The following ASB14 variants were observed in gnomAD, a reference collection of about 807,000 sequenced individuals.
ASB14 encodes the protein ankyrin repeat and SOCS box containing 14.
Under a neutral mutation model 55.6 loss-of-function variants are expected in ASB14, and 63 were observed. The observed-to-expected ratio is 1.13, with a 90% CI of 0.92 to 1.40. ASB14 has a LOEUF of 1.40. ASB14 is among the 40% of genes most tolerant of loss of function. The pLI is 0.00. For synonymous variants in ASB14, 256 were observed against 259.9 expected, an observed-to-expected ratio of 0.98 and a Z score of 0.15; for missense variants, 724 against 710.4, an observed-to-expected ratio of 1.02 and a Z score of -0.22.
At chr3:57,281,392 GTT>G (rs1277185005) in intron 6 of ASB14, among the ~76,000 whole-genome samples, 1 of 151,822 alleles carries the variant, frequency 6.6e-6, no homozygotes, top group Non-Finnish European at 1.5e-5. Flanking sequence ...GGAGAAAAGA[GTT>G]TGGGTCAGTT....
At chr3:57,276,347 G>T (rs193189924) in intron 10 of ASB14, among the ~76,000 whole-genome samples, 181 bp downstream of exon 10, 2 of 151,452 alleles carry the variant, frequency 1.3e-5, no homozygotes, top group East Asian at 3.9e-4. Context: ...GTGCAGTGGC[G>T]TGATCACAGC....
At chr3:57,283,045 T>C in intron 6 of ASB14, 149 bp downstream of exon 6, 2 of 1,147,652 alleles carry the variant, frequency 1.7e-6, no homozygotes, top group Non-Finnish European at 1.2e-6. Context: ...GTTAGGCTTC[T>C]CAGTAATCAC....
chr3:57,280,371 GCTCCATA>G lies in ASB14; in HGVS notation c.811_817del (p.Tyr271LeufsTer24). 1 of 1,551,474 alleles carries G rather than the reference GCTCCATA, an allele frequency of 6.4e-7. No individual in the cohort carries two copies. Among genetic ancestry groups the G allele is most frequent in the Non-Finnish European group, 8.7e-7 (1 of 1,146,868 alleles). On this transcript the variant is annotated frameshift_variant, in exon 7 of 11. Transcript: ENST00000487349. LOFTEE classifies it high-confidence loss of function. ...TGAATTCTTAGGGATGTTGGCATCAGCTCCATACTCCAGCAAGAGAGCCACAGCATCT... is the reference window on the plus strand; with the variant it reads ...TGAATTCTTAGGGATGTTGGCATCAGCTCCAGCAAGAGAGCCACAGCATCT...
intron 10 of ASB14, among the ~76,000 whole-genome samples, chr3:57,275,821 C>T (rs192546184): frequency 2.0e-5 from 3 of 152,188 alleles, no homozygotes; most frequent in Non-Finnish European, 4.4e-5. Flanking sequence ...TGTTACTGTA[C>T]TGAATAGGCA....
intron 2 of ASB14, among the ~76,000 whole-genome samples, chr3:57,290,606 C>T (rs1177958170): frequency 6.6e-6 from 1 of 152,180 alleles, no homozygotes; most frequent in Non-Finnish European, 1.5e-5. Flanking sequence ...CTAATTCCTT[C>T]AAGTACCTGA....
chr3:57,271,351 C>G (rs946508646), intron 10 of ASB14: 1 of 152,442 alleles, frequency 6.6e-6, no homozygotes, highest in Non-Finnish European at 1.5e-5. Context: ...CCAAAACATA[C>G]AGTAAAAAAG....
In ASB14 at chr3:57,278,830, A is replaced by G; in HGVS notation, c.978T>C (p.His326=). ...GGATGAGGAGTTCCAGGCACTGAGG[A>G]TGTGCTCCTGCTGCTGCACAGTGAA... ...SPVHCAAAGA[H]PQCLELLIQA... is the part of the protein sequence containing the mutation. The change falls in exon 8 of 11, where the codon CAT becomes CAC. Residue 326 remains histidine, a synonymous_variant. Coordinates refer to ENST00000487349, the MANE Select transcript of ASB14 (RefSeq NM_001142733.3). 10 of 1,613,646 alleles carry G rather than the reference A, an allele frequency of 6.2e-6. No homozygotes were observed. The highest frequency in any genetic ancestry group is 8.5e-6 in the Non-Finnish European group (10 of 1,179,852).
At chr3:57,292,441 G>A (rs1019592955) in intron 1 of ASB14, among the ~76,000 whole-genome samples, 192 bp downstream of exon 1, 2 of 152,000 alleles carry the variant, frequency 1.3e-5, no homozygotes, top group African/African-American at 4.8e-5. Context: ...GTGTGATGCT[G>A]AAAATAATAT....
chr3:57,286,766 C>T (rs542184193), intron 5 of ASB14, among the ~76,000 whole-genome samples: 1 of 152,282 alleles, frequency 6.6e-6, no homozygotes, highest in African/African-American at 2.4e-5. Flanking sequence ...AAACACTTGT[C>T]CTTCATTTTA....
At chr3:57,283,518 C>A (rs2061055375) in intron 5 of ASB14, 79 bp from the exon 6 acceptor site, 4 of 1,425,232 alleles carry the variant, frequency 2.8e-6, no homozygotes, top group Non-Finnish European at 3.8e-6. Flanking sequence ...ATCCCTCAGG[C>A]TTTCTTAAGG....
intron 6 of ASB14, among the ~76,000 whole-genome samples, chr3:57,280,767 C>G (rs1246793885): frequency 6.6e-6 from 1 of 152,094 alleles, no homozygotes; most frequent in Non-Finnish European, 1.5e-5. Flanking sequence ...ATAAAAGTTG[C>G]TTTTATTTCT....
Position 57,278,362 on chromosome 3 carries a change from A to G in ASB14, c.1431+15T>C, listed in dbSNP as rs2061007610. 6.3e-7 allele frequency: 1 copy of G among 1,598,824 alleles called. No homozygotes were observed. The highest frequency in any genetic ancestry group is 1.7e-5 in the Admixed American group (1 of 59,922). On this transcript the variant is annotated intron_variant, in intron 8 of 10. Transcript: ENST00000487349. The stretch of plus-strand genomic sequence containing the variant: ...TAATGACTGTAAGGGAATACAGCCA[A>G]TACTGTGGACTTACCTTAGTATCTT...
In ASB14 at chr3:57,276,102, C is replaced by G. The variant is rs115439688; in HGVS notation, c.*22+426G>C. On this transcript the variant is annotated intron_variant, in intron 10 of 10. Transcript: ENST00000487349. ...TAAAAAAGATACTGCAGTGAGTTAT[C>G]TTGACTTGTCAGAAGTGGCATCTAT... 4.1e-3 allele frequency among the ~76,000 whole-genome samples: 616 copies of G among 152,032 alleles called. 3 individuals carry two copies. Among genetic ancestry groups the G allele is most frequent in the African/African-American group, 0.014 (570 of 41,478 alleles).
At chr3:57,290,491 ATTCCATCTGTAGCCTTAC>A (rs1246718007) in intron 2 of ASB14, among the ~76,000 whole-genome samples, 1 of 152,184 alleles carries the variant, frequency 6.6e-6, no homozygotes, top group Admixed American at 6.5e-5. Flanking sequence ...AGCAGCCATA[ATTCCATCTGTAGCCTTAC>A]TTCTCCTTTG....
At chr3:57,281,608 T>C (rs1040266792) in intron 6 of ASB14, among the ~76,000 whole-genome samples, 21 of 152,180 alleles carry the variant, frequency 1.4e-4, no homozygotes, top group Non-Finnish European at 2.5e-4. Context: ...CCTCTGCTTA[T>C]TGAGTGCCCA....
intron 10 of ASB14, 105 bp downstream of exon 10, chr3:57,276,423 T>C (rs2060987238): frequency 3.6e-6 from 3 of 823,482 alleles, no homozygotes; most frequent in Non-Finnish European, 5.5e-6. Context: ...GCAGAGCTAC[T>C]TTTTAAAGGA....
chr3:57,276,884 G>A (rs1373044549), intron 9 of ASB14, among the ~76,000 whole-genome samples, 156 bp from the exon 10 acceptor site: 1 of 152,138 alleles, frequency 6.6e-6, no homozygotes, highest in Non-Finnish European at 1.5e-5. Flanking sequence ...TGCAATCCTT[G>A]TTGTAGATAT....
chr3:57,278,911 C>A lies in ASB14; in HGVS notation c.897G>T (p.Lys299Asn). The A allele has an allele frequency of 6.2e-7, 1 of 1,608,578 alleles. No homozygotes were observed. Among genetic ancestry groups the A allele is most frequent in the African/African-American group, 1.3e-5 (1 of 74,866 alleles). ...AADRGHLLAL[K>N]ILIPVTDLAA... Reference sequence around the variant, plus strand: ...CAAGATCCGTAACTGGAATCAGTATCTTTAGAGCTCTGAGAAAGAATTTCA... The same window carrying A: ...CAAGATCCGTAACTGGAATCAGTATATTTAGAGCTCTGAGAAAGAATTTCA... The change falls in exon 8 of 11, where the codon AAG (lysine) becomes AAT (asparagine). Residue 299 changes from lysine (K) to asparagine (N), a missense_variant. Transcript: ENST00000487349.
chr3:57,268,986 T>C lies in ASB14; in HGVS notation c.*655A>G, dbSNP rs570207394. ...TCCATGAAATTGTAAGAGCGTGTTA[T>C]GGGTTGTAGATTGACAGTAGGAATA... On this transcript the variant is annotated 3_prime_UTR_variant, in exon 11 of 11. Transcript: ENST00000487349. 1.3e-5 allele frequency: 2 copies of C among 153,182 alleles called. No individual in the cohort carries two copies. The highest frequency in any genetic ancestry group is 4.8e-5 in the African/African-American group (2 of 41,570). 9.5% of individuals were successfully genotyped at this position (153,182 alleles called of 1,614,324 possible).
Sources: allele counts gnomAD v4.1 joint callset (sites outside exome capture counted in the v4.1 genomes callset), GRCh38; gene constraint gnomAD v4.1.1; transcripts MANE v1.5; gene names NCBI Gene and HGNC (gene_info 2026-07-23, HGNC 2026-07-21).